The following RMDN2 variants were observed in gnomAD, a reference collection of about 807,000 sequenced individuals.
RMDN2 encodes the protein regulator of microtubule dynamics 2.
RMDN2 carries 61 observed loss-of-function variants against 52.8 expected under a neutral mutation model. The observed-to-expected ratio is 1.16, with a 90% confidence interval of 0.94 to 1.43. The LOEUF is 1.43. RMDN2 is among the 40% of genes most tolerant of loss of function. The pLI is 0.00. For synonymous variants in RMDN2, 180 were observed against 153.1 expected, an observed-to-expected ratio of 1.18 and a Z score of -1.30; for missense variants, 592 against 475.3, an observed-to-expected ratio of 1.25 and a Z score of -2.28.
intron 7 of RMDN2, among the ~76,000 whole-genome samples, chr2:37,992,391 C>T (rs919968933): frequency 1.3e-5 from 2 of 152,158 alleles, no homozygotes; most frequent in African/African-American, 4.8e-5. Context: ...AGAATGATTA[C>T]AACACTCAAA....
At chr2:38,011,842 C>G (rs770303694) in intron 10 of RMDN2, among the ~76,000 whole-genome samples, 3 of 152,142 alleles carry the variant, frequency 2.0e-5, no homozygotes, top group African/African-American at 4.8e-5. Flanking sequence ...TTGCCTGGAG[C>G]AAAAGGAATG....
chr2:37,922,013 CT>C (rs1354913772), upstream of RMDN2, among the ~76,000 whole-genome samples: 2 of 152,206 alleles, frequency 1.3e-5, no homozygotes, highest in Non-Finnish European at 2.9e-5. Flanking sequence ...TGGGGGACTT[CT>C]TCCTCTGCCC....
At chr2:37,988,884 A>T (rs1183091962) in intron 5 of RMDN2, among the ~76,000 whole-genome samples, 1 of 152,180 alleles carries the variant, frequency 6.6e-6, no homozygotes, top group Non-Finnish European at 1.5e-5. Context: ...TATTTGTATA[A>T]ATTTTTGTAT....
intron 10 of RMDN2, among the ~76,000 whole-genome samples, chr2:38,038,436 C>G (rs1680740297): frequency 6.6e-6 from 1 of 152,212 alleles, no homozygotes; most frequent in Admixed American, 6.5e-5. Flanking sequence ...GGGAGGAAAA[C>G]TGATACCCCG....
At chr2:37,977,195 A>G (rs1572900006) in intron 4 of RMDN2, among the ~76,000 whole-genome samples, 1 of 152,388 alleles carries the variant, frequency 6.6e-6, no homozygotes, top group African/African-American at 2.4e-5. Flanking sequence ...ATCCCAAGGC[A>G]GAAGAATTTT....
intron 10 of RMDN2, among the ~76,000 whole-genome samples, chr2:38,032,230 C>G (rs898391670): frequency 2.0e-5 from 3 of 152,174 alleles, no homozygotes; most frequent in African/African-American, 7.2e-5. Context: ...CAAAAACTTC[C>G]CTTGGCTTCC....
intron 10 of RMDN2, among the ~76,000 whole-genome samples, chr2:38,008,388 T>C (rs1677430358): frequency 6.6e-6 from 1 of 152,196 alleles, no homozygotes; most frequent in South Asian, 2.1e-4. Flanking sequence ...ATCTGGGTGC[T>C]CCTGTATTGG....
chr2:37,973,889 G>T (rs1013311021), intron 2 of RMDN2, 151 bp from the exon 3 acceptor site: 3 of 608,652 alleles, frequency 4.9e-6, no homozygotes, highest in Admixed American at 3.4e-5. Flanking sequence ...GTAGACTTCT[G>T]TTAGGACTGG....
intron 10 of RMDN2, among the ~76,000 whole-genome samples, chr2:38,031,295 C>G (rs1680185115): frequency 7.7e-6 from 1 of 130,152 alleles, no homozygotes; most frequent in Non-Finnish European, 1.6e-5. Flanking sequence ...TGGGCTCTTG[C>G]CATGTTGCCC....
intron 5 of RMDN2, 134 bp from the exon 6 acceptor site, chr2:37,989,407 C>G: frequency 1.6e-6 from 1 of 630,284 alleles, no homozygotes; most frequent in Non-Finnish European, 2.8e-6. Flanking sequence ...TTGTTAGGGC[C>G]CTTATATTTA....
intron 10 of RMDN2, among the ~76,000 whole-genome samples, chr2:38,055,614 C>G (rs919396386): frequency 1.3e-5 from 2 of 152,128 alleles, no homozygotes; most frequent in Non-Finnish European, 2.9e-5. Flanking sequence ...CAGCTTGGTC[C>G]TCAGGTTAGC....
intron 8 of RMDN2, among the ~76,000 whole-genome samples, chr2:38,002,366 C>G (rs1396933875): frequency 6.6e-6 from 1 of 152,002 alleles, no homozygotes; most frequent in Non-Finnish European, 1.5e-5. Flanking sequence ...TCAAGATGTC[C>G]AATGGAGAAT....
At chr2:38,007,746 A>G (rs1677326533) in intron 10 of RMDN2, among the ~76,000 whole-genome samples, 1 of 152,030 alleles carries the variant, frequency 6.6e-6, no homozygotes, top group African/African-American at 2.4e-5. Context: ...GCCTTCTGCT[A>G]GCTTTTGAAT....
At chr2:37,962,169 T>A (rs1670326959) in intron 2 of RMDN2, among the ~76,000 whole-genome samples, 1 of 152,110 alleles carries the variant, frequency 6.6e-6, no homozygotes, top group South Asian at 2.1e-4. Flanking sequence ...GGCACAAGGG[T>A]CAGGGACTCA....
intron 10 of RMDN2, chr2:38,066,927 G>A (rs151253): frequency 6.9e-6 from 11 of 1,600,666 alleles, no homozygotes; most frequent in South Asian, 2.2e-5. Flanking sequence ...CCACGCCAAA[G>A]TTTCAATGCC....
chr2:38,008,483 T>C (rs186875985), intron 10 of RMDN2, among the ~76,000 whole-genome samples: 304 of 152,328 alleles, frequency 2.0e-3, no homozygotes, highest in African/African-American at 6.7e-3. Flanking sequence ...TCTCTTTTGA[T>C]CTTTGTTGGT....
intron 10 of RMDN2, among the ~76,000 whole-genome samples, chr2:38,006,952 A>G (rs1314980530): frequency 6.6e-6 from 1 of 152,164 alleles, no homozygotes; most frequent in Non-Finnish European, 1.5e-5. Flanking sequence ...TTCTGCATCT[A>G]TTGAGATAAT....
chr2:38,048,024 T>C (rs958980509), intron 10 of RMDN2, among the ~76,000 whole-genome samples: 1 of 152,246 alleles, frequency 6.6e-6, no homozygotes, highest in Non-Finnish European at 1.5e-5. Flanking sequence ...GTTAGCCAGA[T>C]GTGCTGATTA....
intron 10 of RMDN2, among the ~76,000 whole-genome samples, chr2:38,063,976 G>T (rs763124314): frequency 6.6e-6 from 1 of 150,664 alleles, no homozygotes; most frequent in Non-Finnish European, 1.5e-5. Context: ...AATCCTGTTT[G>T]TGTGTGTGTA....
Sources: gnomAD v4.1 joint callset for allele counts (sites outside exome capture counted in the v4.1 genomes callset) on GRCh38, gnomAD v4.1.1 for gene constraint, MANE v1.5 for transcripts, NCBI Gene and HGNC (gene_info 2026-07-23, HGNC 2026-07-21) for gene names.